The following NRG1 variants were observed in gnomAD, a reference collection of about 807,000 sequenced individuals.
The protein encoded by NRG1 is pro-neuregulin-1, membrane-bound isoform.
In NRG1, 18 loss-of-function variants were observed where a neutral mutation model predicts 63.8. The observed-to-expected ratio is 0.28, with a 90% CI of 0.19 to 0.42. The LOEUF (loss-of-function observed/expected upper bound fraction) is 0.42, where lower values mean the gene tolerates loss of function less well. Among genes scored for constraint, NRG1 ranks in the 10% least tolerant of loss-of-function variants. NRG1 has a pLI of 1.00. For synonymous variants in NRG1, 302 were observed against 301.3 expected, an observed-to-expected ratio of 1.00 and a Z score of -0.02; for missense variants, 762 against 814.7, an observed-to-expected ratio of 0.94 and a Z score of 0.79.
intron 1 of NRG1, among the ~76,000 whole-genome samples, chr8:32,347,716 T>G (rs926815989): frequency 2.0e-5 from 3 of 152,126 alleles, no homozygotes; most frequent in African/African-American, 2.4e-5. Flanking sequence ...AGCCCAGAAA[T>G]GGTTTCAATG....
intron 1 of NRG1, among the ~76,000 whole-genome samples, chr8:32,284,836 A>G (rs527470471): frequency 4.1e-4 from 63 of 152,322 alleles, no homozygotes; most frequent in African/African-American, 1.3e-3. Context: ...GGCATGAGCC[A>G]CTGCACCCAG....
intron 1 of NRG1, among the ~76,000 whole-genome samples, chr8:32,127,528 CGTGT>C (rs3084577): frequency 0.024 from 3,489 of 146,346 alleles, 69 homozygotes; most frequent in African/African-American, 0.046. Context: ...TGTATCTGCA[CGTGT>C]GTGTGTGTGT....
chr8:32,361,399 GC>G (rs1246470207), intron 1 of NRG1, among the ~76,000 whole-genome samples: 1 of 152,092 alleles, frequency 6.6e-6, no homozygotes, highest in African/African-American at 2.4e-5. Flanking sequence ...CCAAACAGAA[GC>G]CCTGTATGCA....
At chr8:32,190,055 T>C (rs1842336607) in intron 1 of NRG1, among the ~76,000 whole-genome samples, 1 of 152,152 alleles carries the variant, frequency 6.6e-6, no homozygotes, top group African/African-American at 2.4e-5. Context: ...AATACAGTAA[T>C]TTATTTGAAT....
At chr8:32,653,866 AAG>A (rs1226822585) in intron 5 of NRG1, among the ~76,000 whole-genome samples, 1 of 152,166 alleles carries the variant, frequency 6.6e-6, no homozygotes, top group African/African-American at 2.4e-5. Flanking sequence ...TATTCACATG[AAG>A]AGTGATTGAC....
intron 1 of NRG1, among the ~76,000 whole-genome samples, chr8:32,183,783 A>G (rs1841684114): frequency 1.3e-5 from 2 of 152,220 alleles, no homozygotes; most frequent in Admixed American, 6.5e-5. Flanking sequence ...ACACTCCTCC[A>G]GGTCTCATTA....
intron 1 of NRG1, among the ~76,000 whole-genome samples, chr8:32,360,038 G>A (rs1487151): frequency 0.29 from 44,365 of 152,056 alleles, 6,745 homozygotes; most frequent in South Asian, 0.34. Context: ...ACTAAGTTCC[G>A]TGGATGTCTA....
intron 1 of NRG1, among the ~76,000 whole-genome samples, chr8:32,005,925 GTTTC>G (rs1813699586): frequency 6.6e-6 from 1 of 151,924 alleles, no homozygotes; most frequent in Admixed American, 6.6e-5. Flanking sequence ...TTCATTAGAA[GTTTC>G]TTTGTTCTAG....
chr8:32,131,764 G>A (rs568445109), intron 1 of NRG1, among the ~76,000 whole-genome samples: 4 of 152,072 alleles, frequency 2.6e-5, no homozygotes, highest in African/African-American at 9.6e-5. Context: ...TGTTGATAAG[G>A]CACCTAATGA....
At chr8:31,731,672 A>G (rs1018568729) in intron 1 of NRG1, among the ~76,000 whole-genome samples, 1 of 152,178 alleles carries the variant, frequency 6.6e-6, no homozygotes. Context: ...TATATGTACT[A>G]AATAAATTTA....
At chr8:32,412,453 C>CATATAT (rs368054524) in intron 1 of NRG1, among the ~76,000 whole-genome samples, 68 of 76,722 alleles carry the variant, frequency 8.9e-4, no homozygotes, top group South Asian at 1.4e-3. Flanking sequence ...TATATATATA[C>CATATAT]ATATATATAT....
chr8:32,396,109 G>A (rs1014467923), intron 1 of NRG1, among the ~76,000 whole-genome samples: 3 of 152,078 alleles, frequency 2.0e-5, no homozygotes, highest in East Asian at 1.9e-4. Context: ...CCAGTAACAC[G>A]CTGTCATCAT....
chr8:31,647,218 T>A (rs1161386445), intron 1 of NRG1, among the ~76,000 whole-genome samples: 1 of 152,258 alleles, frequency 6.6e-6, no homozygotes, highest in Non-Finnish European at 1.5e-5. Context: ...AAATTCATTC[T>A]CATAACTGAA....
intron 1 of NRG1, among the ~76,000 whole-genome samples, chr8:32,025,976 C>T (rs890502292): frequency 2.7e-5 from 4 of 150,730 alleles, no homozygotes; most frequent in African/African-American, 9.7e-5. Context: ...GAAGATATTG[C>T]CACAGGTCTC....
At chr8:31,884,138 G>A (rs1378066366) in intron 1 of NRG1, among the ~76,000 whole-genome samples, 1 of 151,980 alleles carries the variant, frequency 6.6e-6, no homozygotes, top group African/African-American at 2.4e-5. Flanking sequence ...TGTTATCTTG[G>A]TTTTTGTTTC....
chr8:31,661,082 C>G (rs931174058), intron 1 of NRG1, among the ~76,000 whole-genome samples: 1 of 152,134 alleles, frequency 6.6e-6, no homozygotes, highest in African/African-American at 2.4e-5. Context: ...TTTCCCCAAA[C>G]AGTTTATATA....
At chr8:31,857,757 G>T (rs1828061742) in intron 1 of NRG1, among the ~76,000 whole-genome samples, 1 of 152,204 alleles carries the variant, frequency 6.6e-6, no homozygotes, top group South Asian at 2.1e-4. Context: ...GACTATGAAA[G>T]TGATGTTAGA....
At chr8:31,905,598 A>G (rs1267745937) in intron 1 of NRG1, among the ~76,000 whole-genome samples, 1 of 152,204 alleles carries the variant, frequency 6.6e-6, no homozygotes, top group Non-Finnish European at 1.5e-5. Context: ...TGGCTGTCTC[A>G]GTAGGCTGCA....
chr8:32,091,135 A>G (rs994232448), intron 1 of NRG1, among the ~76,000 whole-genome samples: 1 of 152,126 alleles, frequency 6.6e-6, no homozygotes, highest in Non-Finnish European at 1.5e-5. Context: ...AAAATTAGCC[A>G]GGCATAGTGG....
Sources: allele counts gnomAD v4.1 joint callset (sites outside exome capture counted in the v4.1 genomes callset), GRCh38; gene constraint gnomAD v4.1.1; transcripts MANE v1.5; gene names NCBI Gene and HGNC (gene_info 2026-07-23, HGNC 2026-07-21).